The following ANKMY1 variants were observed in gnomAD, a reference collection of about 807,000 sequenced individuals.
ANKMY1 encodes ankyrin repeat and MYND domain containing 1.
ANKMY1 carries 98 observed loss-of-function variants against 102.0 expected under a neutral mutation model. The observed-to-expected ratio is 0.96, with a 90% CI of 0.82 to 1.14. The LOEUF is 1.14. Ranked by LOEUF, ANKMY1 falls within the 50% of genes most tolerant of loss-of-function variation. The pLI is 0.00. For synonymous variants in ANKMY1, 582 were observed against 559.9 expected (o/e 1.04, Z -0.56); for missense variants, 1,330 against 1,347.6 (o/e 0.99, Z 0.20).
At chr2:240,486,331 TA>T (rs1278826221) in intron 15 of ANKMY1, among the ~76,000 whole-genome samples, 1 of 152,152 alleles carries the variant, frequency 6.6e-6, no homozygotes, top group Middle Eastern at 3.2e-3. Flanking sequence ...ACATAATATA[TA>T]AATTCAATGC....
At chr2:240,514,380 G>A (rs2080814933) in intron 9 of ANKMY1, among the ~76,000 whole-genome samples, 1 of 152,138 alleles carries the variant, frequency 6.6e-6, no homozygotes, top group Non-Finnish European at 1.5e-5. Flanking sequence ...CAGTGCTAAG[G>A]TGACTTAATA....
upstream of ANKMY1, chr2:240,560,713 G>A: frequency 1.3e-6 from 2 of 1,527,346 alleles, no homozygotes; most frequent in Non-Finnish European, 1.7e-6. Flanking sequence ...GGGCGCCGCG[G>A]GGCCGCCTCG....
chr2:240,555,290 G>C (rs2092187127), intron 2 of ANKMY1: 1 of 553,702 alleles, frequency 1.8e-6, no homozygotes, highest in Admixed American at 3.1e-5. Context: ...GGATAGGAGA[G>C]ATGCTGCCAG....
intron 4 of ANKMY1, among the ~76,000 whole-genome samples, chr2:240,541,079 A>G (rs149108830): frequency 3.3e-5 from 5 of 152,332 alleles, no homozygotes; most frequent in Non-Finnish European, 2.9e-5. Context: ...AACAAGCCCA[A>G]CTGACTAAGA....
intron 12 of ANKMY1, among the ~76,000 whole-genome samples, chr2:240,508,456 A>G (rs2079492638): frequency 6.6e-6 from 1 of 152,244 alleles, no homozygotes; most frequent in Admixed American, 6.5e-5. Flanking sequence ...CACAAATTCT[A>G]TGAATGCCTT....
intron 9 of ANKMY1, among the ~76,000 whole-genome samples, chr2:240,516,894 A>G (rs2081311122): frequency 6.6e-6 from 1 of 152,212 alleles, no homozygotes; most frequent in Non-Finnish European, 1.5e-5. Context: ...ATAATTGTTA[A>G]TGGCTTCTTT....
intron 9 of ANKMY1, among the ~76,000 whole-genome samples, chr2:240,515,863 A>G (rs1255519333): frequency 6.1e-5 from 9 of 147,454 alleles, no homozygotes; most frequent in South Asian, 4.3e-4. Context: ...GACTACAGGC[A>G]CCCGCCACCA....
the ANKMY1 span, among the ~76,000 whole-genome samples, chr2:240,473,187 C>A: frequency 1.4e-5 from 2 of 146,186 alleles, no homozygotes; most frequent in Admixed American, 6.8e-5. Flanking sequence ...TAAGTGATCC[C>A]AAAGAAATAA....
chr2:240,538,897 A>C lies in ANKMY1; in HGVS notation c.481-9388T>G, dbSNP rs541473396. Among the ~76,000 whole-genome samples, 8 of 152,240 alleles carry C rather than the reference A, an allele frequency of 5.3e-5. No individual in the cohort carries two copies. The East Asian group carries it at 1.5e-3, about 29-fold the overall frequency. On this transcript the variant is annotated intron_variant, in intron 4 of 17. Coordinates refer to ENST00000401804, the MANE Select transcript of ANKMY1 (RefSeq NM_001282771.3). ...CCAATCAGTACTCTGTATCTAGCTA[A>C]TCTGGTGGGGACTTGGAGAACTTTT...
intron 12 of ANKMY1, among the ~76,000 whole-genome samples, chr2:240,508,954 A>C (rs1172277469): frequency 6.6e-6 from 1 of 151,870 alleles, no homozygotes; most frequent in African/African-American, 2.4e-5. Flanking sequence ...AGTTGGGTTG[A>C]TACATGAGTG....
chr2:240,495,151 C>T (rs1215282015), intron 15 of ANKMY1, among the ~76,000 whole-genome samples: 2 of 152,118 alleles, frequency 1.3e-5, no homozygotes, highest in Non-Finnish European at 2.9e-5. Context: ...AGCGGTAACA[C>T]CAGTGTCTGG....
rs142494535 is a variant in ANKMY1, at chr2:240,520,309, G to C, written c.2004+53C>G. ...GGTGGAGCGAGGAGCTTCCCGGCCAGTGCCCGGGAGTCTGCTGCGCTCGTC... is the reference window on the plus strand; with the variant it reads ...GGTGGAGCGAGGAGCTTCCCGGCCACTGCCCGGGAGTCTGCTGCGCTCGTC... On this transcript the variant is annotated intron_variant, in intron 9 of 17. Coordinates refer to ENST00000401804, the MANE Select transcript of ANKMY1 (RefSeq NM_001282771.3). This position sits in a 1 kb window ranked among gnomAD's most constrained non-coding sequence, Gnocchi z 4.8. 2.2e-3 allele frequency: 3,224 copies of C among 1,492,520 alleles called. 18 individuals are homozygous for C. Among genetic ancestry groups the C allele is most frequent in the Middle Eastern group, 0.021 (107 of 5,040 alleles). The allele number at this position is 1,492,520 out of a possible 1,614,324, so 92.5% of individuals were successfully genotyped here.
At chr2:240,551,348 T>G (rs936048217) in intron 4 of ANKMY1, among the ~76,000 whole-genome samples, 1 of 152,230 alleles carries the variant, frequency 6.6e-6, no homozygotes, top group African/African-American at 2.4e-5. Context: ...GTGAATATTC[T>G]TAATTCATGG....
intron 15 of ANKMY1, among the ~76,000 whole-genome samples, chr2:240,486,151 C>T (rs1340013254): frequency 6.6e-6 from 1 of 152,086 alleles, no homozygotes; most frequent in East Asian, 1.9e-4. Context: ...TTTACCATTT[C>T]TGGATCTCCA....
chr2:240,484,225 G>A (rs2075777824), intron 15 of ANKMY1, among the ~76,000 whole-genome samples: 1 of 152,154 alleles, frequency 6.6e-6, no homozygotes, highest in African/African-American at 2.4e-5. Context: ...GGGTCAAAAG[G>A]TAGAGCTTGT....
intron 4 of ANKMY1, among the ~76,000 whole-genome samples, chr2:240,542,362 G>A (rs1021628505): frequency 9.2e-5 from 14 of 152,082 alleles, no homozygotes; most frequent in Admixed American, 2.0e-4. Context: ...AAAATTAGCC[G>A]GGTGTGGTGG....
chr2:240,523,781 CACA>C (rs1156559223), intron 8 of ANKMY1, 101 bp downstream of exon 8: 8 of 1,483,042 alleles, frequency 5.4e-6, no homozygotes, highest in Middle Eastern at 2.4e-4. Flanking sequence ...CATCTCCAGA[CACA>C]ACGCCTCCCA....
chr2:240,521,918 A>T (rs145666623), intron 8 of ANKMY1: 2 of 152,374 alleles, frequency 1.3e-5, no homozygotes, highest in Admixed American at 6.5e-5. Context: ...CATCTCTTAA[A>T]GGTGATGCGG....
intron 9 of ANKMY1, among the ~76,000 whole-genome samples, chr2:240,514,749 T>G (rs759655358): frequency 3.3e-5 from 5 of 152,240 alleles, no homozygotes; most frequent in Non-Finnish European, 7.3e-5. Flanking sequence ...CAGGTGAGAC[T>G]GGCAGTTAGA....
Sources: allele counts gnomAD v4.1 joint callset (sites outside exome capture counted in the v4.1 genomes callset), GRCh38; gene constraint gnomAD v4.1.1; non-coding constraint Gnocchi (gnomAD v3.1); transcripts MANE v1.5; gene names NCBI Gene and HGNC (gene_info 2026-07-23, HGNC 2026-07-21).